CDK6: variants seen among roughly 807,000 people sequenced by gnomAD.
The protein encoded by CDK6 is cyclin-dependent kinase 6.
CDK6 carries 6 observed loss-of-function variants against 37.1 expected under a neutral mutation model. That is an observed-to-expected ratio of 0.16 (90% CI 0.09 to 0.32). The LOEUF (loss-of-function observed/expected upper bound fraction) is 0.32, where lower values mean the gene tolerates loss of function less well. Among genes scored for constraint, CDK6 ranks in the 10% least tolerant of loss-of-function variants. The pLI, the probability that CDK6 is intolerant of heterozygous loss-of-function variation, is 1.00. For synonymous variants in CDK6, 160 were observed against 161.3 expected (o/e 0.99, Z 0.06); for missense variants, 224 against 418.9 (o/e 0.53, Z 4.06).
intron 4 of CDK6, among the ~76,000 whole-genome samples, chr7:92,724,492 G>C (rs1798462774): frequency 6.6e-6 from 1 of 152,124 alleles, no homozygotes; most frequent in Non-Finnish European, 1.5e-5. Flanking sequence ...GGGGCAGGGG[G>C]TGGGGAACAC....
chr7:92,721,608 C>T (rs1798366276), intron 4 of CDK6, among the ~76,000 whole-genome samples: 2 of 152,152 alleles, frequency 1.3e-5, no homozygotes, highest in Admixed American at 1.3e-4. Flanking sequence ...CATAAAGACA[C>T]CAGAATGTCA....
intron 2 of CDK6, among the ~76,000 whole-genome samples, chr7:92,814,067 G>T (rs1173524028): frequency 6.6e-6 from 1 of 152,088 alleles, no homozygotes; most frequent in Non-Finnish European, 1.5e-5. Context: ...TTCATAGTGG[G>T]CTTATTTTTT....
intron 5 of CDK6, among the ~76,000 whole-genome samples, chr7:92,629,450 C>A (rs1796005119): frequency 6.6e-6 from 1 of 152,050 alleles, no homozygotes; most frequent in Non-Finnish European, 1.5e-5. Context: ...CAAACCCTAC[C>A]ATTTTTCAAC....
chr7:92,754,915 C>T (rs777500244), intron 3 of CDK6, among the ~76,000 whole-genome samples: 1 of 152,132 alleles, frequency 6.6e-6, no homozygotes. Flanking sequence ...AGTTTATTGC[C>T]GCTCTAGTCC....
At chr7:92,651,947 T>C (rs1220888492) in intron 5 of CDK6, among the ~76,000 whole-genome samples, 1 of 152,118 alleles carries the variant, frequency 6.6e-6, no homozygotes, top group Non-Finnish European at 1.5e-5. Context: ...AGGGATGCAG[T>C]AATATTTATA....
At chr7:92,707,888 G>C (rs1161112239) in intron 4 of CDK6, among the ~76,000 whole-genome samples, 5 of 152,132 alleles carry the variant, frequency 3.3e-5, no homozygotes, top group Non-Finnish European at 5.9e-5. Context: ...TGATATTATG[G>C]GCAGCAGATG....
intron 3 of CDK6, among the ~76,000 whole-genome samples, chr7:92,734,027 T>C (rs935257845): frequency 2.6e-5 from 4 of 152,228 alleles, no homozygotes; most frequent in East Asian, 1.9e-4. Context: ...GTTATGATTA[T>C]GAACTGACTT....
chr7:92,734,026 A>G (rs1261889256), intron 3 of CDK6, among the ~76,000 whole-genome samples: 3 of 152,192 alleles, frequency 2.0e-5, no homozygotes, highest in African/African-American at 7.2e-5. Context: ...TGTTATGATT[A>G]TGAACTGACT....
chr7:92,650,326 C>T (rs983843556), intron 5 of CDK6, among the ~76,000 whole-genome samples: 1 of 152,156 alleles, frequency 6.6e-6, no homozygotes, highest in Non-Finnish European at 1.5e-5. Flanking sequence ...ATTTGGTGCT[C>T]ATTACTGTGT....
At chr7:92,804,299 TCCC>T (rs1304365336) in intron 2 of CDK6, among the ~76,000 whole-genome samples, 3 of 152,150 alleles carry the variant, frequency 2.0e-5, no homozygotes, top group Non-Finnish European at 4.4e-5. Flanking sequence ...AACCCCTGAT[TCCC>T]TAGCAGGGTC....
At chr7:92,712,435 T>C (rs1475252476) in intron 4 of CDK6, among the ~76,000 whole-genome samples, 1 of 152,126 alleles carries the variant, frequency 6.6e-6, no homozygotes. Flanking sequence ...AGAACTACAA[T>C]CGACTATTGA....
chr7:92,635,523 G>T (rs1447178222), intron 5 of CDK6, among the ~76,000 whole-genome samples: 1 of 152,200 alleles, frequency 6.6e-6, no homozygotes, highest in African/African-American at 2.4e-5. Context: ...CCATGTGAAT[G>T]AAGCAGTTAA....
At chr7:92,709,117 G>A (rs1050100311) in intron 4 of CDK6, among the ~76,000 whole-genome samples, 6 of 151,964 alleles carry the variant, frequency 3.9e-5, no homozygotes, top group African/African-American at 1.2e-4. Flanking sequence ...TTGCTCTCAC[G>A]TAGCCCCTCG....
chr7:92,771,533 T>C (rs1031718425), intron 3 of CDK6, among the ~76,000 whole-genome samples: 1 of 152,174 alleles, frequency 6.6e-6, no homozygotes, highest in African/African-American at 2.4e-5. Context: ...AGTCTGTTCT[T>C]GACTTGAAAA....
intron 2 of CDK6, among the ~76,000 whole-genome samples, chr7:92,778,094 A>AG (rs1799894722): frequency 6.6e-6 from 1 of 151,696 alleles, no homozygotes; most frequent in Admixed American, 6.6e-5. Flanking sequence ...AGGAAACGAA[A>AG]AAAAAAAACC....
chr7:92,639,393 G>A (rs1485322083), intron 5 of CDK6, among the ~76,000 whole-genome samples: 2 of 152,180 alleles, frequency 1.3e-5, no homozygotes, highest in Non-Finnish European at 2.9e-5. Context: ...AGTGGTCTGA[G>A]GAGCATGTTA....
intron 5 of CDK6, among the ~76,000 whole-genome samples, chr7:92,656,855 C>T (rs1350289473): frequency 1.3e-5 from 2 of 152,046 alleles, no homozygotes; most frequent in African/African-American, 4.8e-5. Context: ...CCAGAGGTGC[C>T]CACCCTACAC....
intron 3 of CDK6, among the ~76,000 whole-genome samples, chr7:92,732,395 C>A (rs1012361055): frequency 1.3e-5 from 2 of 152,150 alleles, no homozygotes; most frequent in Non-Finnish European, 2.9e-5. Context: ...CCAGCCTGGG[C>A]GACAGCTCTC....
chr7:92,760,778 T>A (rs1799435345), intron 3 of CDK6, among the ~76,000 whole-genome samples: 1 of 152,178 alleles, frequency 6.6e-6, no homozygotes, highest in African/African-American at 2.4e-5. Context: ...TGGGATCATA[T>A]TGTATATATG....
Sources: gnomAD v4.1 joint callset for allele counts (sites outside exome capture counted in the v4.1 genomes callset) on GRCh38, gnomAD v4.1.1 for gene constraint, MANE v1.5 for transcripts, NCBI Gene and HGNC (gene_info 2026-07-23, HGNC 2026-07-21) for gene names.